The following TRERF1 variants were observed in gnomAD, a reference collection of about 807,000 sequenced individuals.
TRERF1 encodes the protein transcriptional regulating factor 1.
In TRERF1, 27 loss-of-function variants were observed where a neutral mutation model predicts 122.9. That is an observed-to-expected ratio of 0.22 (90% CI 0.16 to 0.30). The LOEUF (loss-of-function observed/expected upper bound fraction) is 0.30. TRERF1 is among the 10% of genes least tolerant of loss of function. TRERF1 has a pLI of 1.00. For missense variants in TRERF1, 1,248 were observed against 1,560.3 expected (o/e 0.80, Z 3.37); for synonymous variants, 636 against 641.7 (o/e 0.99, Z 0.13).
chr6:42,347,093 A>G (rs1768445175), intron 3 of TRERF1, among the ~76,000 whole-genome samples: 1 of 152,150 alleles, frequency 6.6e-6, no homozygotes, highest in Admixed American at 6.5e-5. Context: ...TTGGGAGAGG[A>G]CCCCATGTAT....
intron 4 of TRERF1, among the ~76,000 whole-genome samples, chr6:42,298,258 T>A (rs1785432968): frequency 6.6e-6 from 1 of 151,830 alleles, no homozygotes; most frequent in South Asian, 2.1e-4. Flanking sequence ...AGGGTTCAAG[T>A]GATTCTTGTG....
At chr6:42,326,933 G>A (rs942842531) in intron 3 of TRERF1, among the ~76,000 whole-genome samples, 7 of 152,068 alleles carry the variant, frequency 4.6e-5, no homozygotes, top group Non-Finnish European at 1.0e-4. Flanking sequence ...CCAATCATAC[G>A]GGACTGTTGC....
intron 3 of TRERF1, among the ~76,000 whole-genome samples, chr6:42,303,504 A>G (rs1270161413): frequency 1.3e-5 from 2 of 152,198 alleles, no homozygotes; most frequent in Admixed American, 1.3e-4. Flanking sequence ...AGGTCCTGTG[A>G]CAGGATGGAG....
chr6:42,370,739 A>T (rs536658329), intron 2 of TRERF1, among the ~76,000 whole-genome samples: 1 of 152,070 alleles, frequency 6.6e-6, no homozygotes, highest in East Asian at 1.9e-4. Flanking sequence ...CCCCAAGTCA[A>T]CCCTTGGCCC....
At chr6:42,356,037 G>A (rs1429880648) in intron 3 of TRERF1, among the ~76,000 whole-genome samples, 4 of 152,186 alleles carry the variant, frequency 2.6e-5, no homozygotes, top group African/African-American at 4.8e-5. Context: ...GGAGAGACAA[G>A]GAGAACCTCT....
chr6:42,421,669 G>T (rs962148300), intron 2 of TRERF1, among the ~76,000 whole-genome samples: 1 of 152,120 alleles, frequency 6.6e-6, no homozygotes, highest in East Asian at 1.9e-4. Flanking sequence ...GGCTAATCGG[G>T]AGGCTGAGGC....
At chr6:42,374,867 CG>C (rs1017421083) in intron 2 of TRERF1, among the ~76,000 whole-genome samples, 118 of 151,868 alleles carry the variant, frequency 7.8e-4, no homozygotes, top group African/African-American at 2.8e-3. Context: ...AAAAATTAGC[CG>C]GGTGTGGTGG....
At chr6:42,382,970 A>G (rs1776208880) in intron 2 of TRERF1, among the ~76,000 whole-genome samples, 1 of 152,122 alleles carries the variant, frequency 6.6e-6, no homozygotes, top group Admixed American at 6.6e-5. Flanking sequence ...CCCAGTTGAG[A>G]ACCACTGCTT....
At chr6:42,441,434 A>C (rs537111495) in intron 2 of TRERF1, among the ~76,000 whole-genome samples, 1 of 152,320 alleles carries the variant, frequency 6.6e-6, no homozygotes, top group African/African-American at 2.4e-5. Context: ...TGAATAACTG[A>C]TTTAACAAAA....
chr6:42,392,005 A>G (rs954245447), intron 2 of TRERF1, among the ~76,000 whole-genome samples: 1 of 152,220 alleles, frequency 6.6e-6, no homozygotes, highest in African/African-American at 2.4e-5. Context: ...AAACAGCTGA[A>G]GCCCAGCTTC....
intron 2 of TRERF1, among the ~76,000 whole-genome samples, chr6:42,412,168 T>C (rs1781206587): frequency 6.6e-6 from 1 of 151,924 alleles, no homozygotes; most frequent in African/African-American, 2.4e-5. Flanking sequence ...GCCTGGCTAA[T>C]TTTGGTATTT....
At chr6:42,398,177 T>A (rs1778896678) in intron 2 of TRERF1, among the ~76,000 whole-genome samples, 1 of 152,232 alleles carries the variant, frequency 6.6e-6, no homozygotes, top group Non-Finnish European at 1.5e-5. Flanking sequence ...TTAGATGATG[T>A]ATGCGGACTG....
At chr6:42,433,292 C>T (rs534715516) in intron 2 of TRERF1, among the ~76,000 whole-genome samples, 2 of 151,976 alleles carry the variant, frequency 1.3e-5, no homozygotes, top group South Asian at 4.2e-4. Flanking sequence ...ATTTAAGAGC[C>T]CAAGATACCA....
At chr6:42,438,137 G>C (rs1164092279) in intron 2 of TRERF1, among the ~76,000 whole-genome samples, 1 of 151,466 alleles carries the variant, frequency 6.6e-6, no homozygotes, top group African/African-American at 2.4e-5. Flanking sequence ...GGCCAGGCTG[G>C]TCTCGAACTC....
At chr6:42,426,028 T>G (rs1399250737) in intron 2 of TRERF1, among the ~76,000 whole-genome samples, 1 of 152,122 alleles carries the variant, frequency 6.6e-6, no homozygotes, top group Non-Finnish European at 1.5e-5. Context: ...ACATACATAC[T>G]TGACACTTCC....
At chr6:42,245,931 AG>A (rs1561815848) in intron 14 of TRERF1, among the ~76,000 whole-genome samples, 1 of 152,148 alleles carries the variant, frequency 6.6e-6, no homozygotes, top group Non-Finnish European at 1.5e-5. Context: ...AACATGGTAA[AG>A]CCCCGCCTCT....
intron 2 of TRERF1, among the ~76,000 whole-genome samples, chr6:42,389,422 A>C (rs1461868208): frequency 1.3e-5 from 2 of 152,212 alleles, no homozygotes. Flanking sequence ...AGGCTGTGAC[A>C]AGAGTGAACT....
At chr6:42,343,451 C>A (rs1036407750) in intron 3 of TRERF1, among the ~76,000 whole-genome samples, 1 of 152,100 alleles carries the variant, frequency 6.6e-6, no homozygotes, top group Non-Finnish European at 1.5e-5. Context: ...CGGTGACATG[C>A]ACTCTGAGAT....
At chr6:42,383,281 C>T (rs1776260490) in intron 2 of TRERF1, among the ~76,000 whole-genome samples, 1 of 152,208 alleles carries the variant, frequency 6.6e-6, no homozygotes, top group Admixed American at 6.5e-5. Flanking sequence ...ATGTAACTCA[C>T]ATACTGTTTA....
Sources: allele counts gnomAD v4.1 joint callset (sites outside exome capture counted in the v4.1 genomes callset), GRCh38; gene constraint gnomAD v4.1.1; transcripts MANE v1.5; gene names NCBI Gene and HGNC (gene_info 2026-07-23, HGNC 2026-07-21).